Variants in MREG observed in about 807,000 individuals in gnomAD.
The protein encoded by MREG is dilute suppressor protein homolog.
Under a neutral mutation model 28.5 loss-of-function variants are expected in MREG, and 31 were observed. That is an observed-to-expected ratio of 1.09 (90% CI 0.82 to 1.47). The LOEUF is 1.47. MREG is among the 40% of genes most tolerant of loss of function. The pLI is 0.00. For synonymous variants in MREG, 106 were observed against 95.2 expected (o/e 1.11, Z -0.66); for missense variants, 256 against 257.4 (o/e 0.99, Z 0.04).
At chr2:215,988,062 G>A (rs532521525) in intron 2 of MREG, among the ~76,000 whole-genome samples, 3 of 152,122 alleles carry the variant, frequency 2.0e-5, no homozygotes, top group South Asian at 2.1e-4. Flanking sequence ...CTCTACAGTC[G>A]AGCCTGATTT....
chr2:215,959,813 C>T (rs1233428159), intron 2 of MREG, among the ~76,000 whole-genome samples: 1 of 152,182 alleles, frequency 6.6e-6, no homozygotes, highest in Non-Finnish European at 1.5e-5. Context: ...TGATCTAAAT[C>T]CTACTCACCC....
At position 215,979,387 on chromosome 2, in the gene MREG, C is replaced by T. The variant is rs188687620; in HGVS notation, c.255+16919G>A. Reference sequence around the variant, plus strand: ...CTGAGGCAGAAGAATCACTTGAACCCGGGAGGCGGAGATTGCAGTGAGCCG... The same window carrying T: ...CTGAGGCAGAAGAATCACTTGAACCTGGGAGGCGGAGATTGCAGTGAGCCG... On this transcript the variant is annotated intron_variant, in intron 2 of 4. Coordinates refer to ENST00000263268, the MANE Select transcript of MREG (RefSeq NM_018000.3). 6.2e-3 allele frequency among the ~76,000 whole-genome samples: 934 copies of T among 151,144 alleles called. 5 individuals carry two copies. Among genetic ancestry groups the T allele is most frequent in the African/African-American group, 0.021 (863 of 41,064 alleles).
At position 215,996,313 on chromosome 2, in the gene MREG, T is replaced by C. The variant is rs764372180; in HGVS notation, c.248A>G (p.Asp83Gly). 148 of 1,613,490 alleles carry C rather than the reference T, an allele frequency of 9.2e-5. No homozygotes were observed. Among genetic ancestry groups the C allele is most frequent in the Non-Finnish European group, 1.2e-4 (138 of 1,179,792 alleles). ...ACATCAAAAGGTGCTCACCTCTGAG[T>C]CTTTGGCCTGCTGATTACGAATGAC... ...LIVIRNQQAK[D>G]SEEWQKLNYD... The change falls in exon 2 of 5, where the codon GAC becomes GGC. Residue 83 changes from aspartate to glycine, a missense_variant. Asp to Gly is a moderately conservative substitution (Grantham distance 94). Transcript: ENST00000263268.
At chr2:215,983,466 A>T (rs1023744054) in intron 2 of MREG, among the ~76,000 whole-genome samples, 1 of 152,212 alleles carries the variant, frequency 6.6e-6, no homozygotes, top group Non-Finnish European at 1.5e-5. Flanking sequence ...TATGACCCAG[A>T]CATTGGAGAC....
Position 216,031,520 on chromosome 2 carries a change from G to GAA in MREG, c.-68+1268_-68+1269insTT, listed in dbSNP as rs71047963. 3.6e-5 allele frequency among the ~76,000 whole-genome samples: 5 copies of GAA among 138,340 alleles called. No individual in the cohort carries two copies. The East Asian group carries it at 8.3e-4, about 23-fold the overall frequency. 90.8% of individuals were successfully genotyped at this position (138,340 alleles called of 152,430 possible). On this transcript the variant is annotated intron_variant, in intron 1 of 3. Transcript: ENST00000420348. ...GAAAGAAAGAGAGAAAGGAAGGAAG[G>GAA]GAAAAGAAAAGAAAGAAGGAAGGAA...
At chr2:216,013,210 C>T in intron 1 of MREG, 23 bp downstream of exon 1, 1 of 1,547,114 alleles carries the variant, frequency 6.5e-7, no homozygotes, top group Non-Finnish European at 8.7e-7. Flanking sequence ...AAGCCCAGAT[C>T]CCGGCCCGGG....
chr2:216,010,758 G>C (rs576238337), intron 1 of MREG, among the ~76,000 whole-genome samples: 1 of 151,912 alleles, frequency 6.6e-6, no homozygotes, highest in African/African-American at 2.4e-5. Flanking sequence ...TAATTAATAA[G>C]ATGAAATTTT....
At chr2:216,027,139 G>A (rs1694608704) in intron 1 of MREG, among the ~76,000 whole-genome samples, 1 of 152,202 alleles carries the variant, frequency 6.6e-6, no homozygotes, top group Non-Finnish European at 1.5e-5. Flanking sequence ...ACAATTCAAA[G>A]ATACTTGATG....
chr2:215,956,281 T>C (rs1692626146), intron 2 of MREG, among the ~76,000 whole-genome samples: 1 of 152,198 alleles, frequency 6.6e-6, no homozygotes, highest in Non-Finnish European at 1.5e-5. Flanking sequence ...TGAGTTAATA[T>C]ATGTAAAGAG....
intron 2 of MREG, among the ~76,000 whole-genome samples, chr2:215,990,138 G>A (rs779883796): frequency 2.6e-5 from 4 of 152,206 alleles, no homozygotes; most frequent in Admixed American, 6.5e-5. Flanking sequence ...GTTAAGGGCA[G>A]CCAGAGAGAA....
chr2:215,948,153 A>T (rs925259793), intron 2 of MREG, among the ~76,000 whole-genome samples: 1 of 152,240 alleles, frequency 6.6e-6, no homozygotes, highest in African/African-American at 2.4e-5. Flanking sequence ...TAAGTTCTGT[A>T]CAAGGCTTGC....
chr2:215,993,659 T>A (rs1693780902), intron 2 of MREG, among the ~76,000 whole-genome samples: 1 of 152,146 alleles, frequency 6.6e-6, no homozygotes, highest in Non-Finnish European at 1.5e-5. Flanking sequence ...ATTTTTGCAA[T>A]CTATCTATCT....
upstream of MREG, among the ~76,000 whole-genome samples, chr2:216,015,896 T>A (rs1214886186): frequency 1.3e-5 from 2 of 152,054 alleles, no homozygotes; most frequent in African/African-American, 4.8e-5. Context: ...AGGAGCCGGT[T>A]TGGAGGGTGA....
At chr2:215,958,196 T>C (rs184408793) in intron 2 of MREG, among the ~76,000 whole-genome samples, 186 of 151,844 alleles carry the variant, frequency 1.2e-3, no homozygotes, top group Non-Finnish European at 2.5e-3. Context: ...ACATGGCACA[T>C]GTATACATAT....
At chr2:216,033,884 G>A (rs1694750675), upstream of MREG, 1 of 152,156 alleles carries the variant, frequency 6.6e-6, no homozygotes, top group Non-Finnish European at 1.5e-5. Context: ...TGTTGTCCAG[G>A]ATAAGATCCA....
intron 2 of MREG, among the ~76,000 whole-genome samples, chr2:215,972,547 G>T (rs1332988958): frequency 3.3e-5 from 5 of 151,190 alleles, no homozygotes; most frequent in African/African-American, 9.7e-5. Flanking sequence ...GGAGTCTGAG[G>T]CGAGGTTGCG....
chr2:215,986,305 G>A (rs1179547085), intron 2 of MREG, among the ~76,000 whole-genome samples: 3 of 152,110 alleles, frequency 2.0e-5, no homozygotes, highest in African/African-American at 7.2e-5. Flanking sequence ...AGTATTTGTG[G>A]GTCCACATTC....
intron 1 of MREG, among the ~76,000 whole-genome samples, chr2:216,031,461 A>AAGAAAGAAAGAAAG (rs1349053548): frequency 1.5e-5 from 2 of 132,010 alleles, no homozygotes; most frequent in African/African-American, 2.9e-5. Context: ...GAAAGAGAGA[A>AAGAAAGAAAGAAAG]AGAAAGAAAG....
chr2:215,998,316 A>AT (rs1263459979), intron 1 of MREG, among the ~76,000 whole-genome samples: 13 of 148,738 alleles, frequency 8.7e-5, no homozygotes, highest in East Asian at 3.9e-4. Context: ...ACAAAAAAAA[A>AT]AAAAAATAAT....
Sources: gnomAD v4.1 joint callset for allele counts (sites outside exome capture counted in the v4.1 genomes callset) on GRCh38, gnomAD v4.1.1 for gene constraint, MANE v1.5 for transcripts, NCBI Gene and HGNC (gene_info 2026-07-23, HGNC 2026-07-21) for gene names.